The following CSMD1 variants were observed in gnomAD, a reference collection of about 807,000 sequenced individuals.
CSMD1 encodes CUB and Sushi multiple domains 1, also known as CUB and sushi domain-containing protein 1.
Under a neutral mutation model 417.5 loss-of-function variants are expected in CSMD1, and 213 were observed. That is an observed-to-expected ratio of 0.51 (90% CI 0.46 to 0.57). The LOEUF is 0.57. Among genes scored for constraint, CSMD1 ranks in the 20% least tolerant of loss-of-function variants. The pLI, the probability that CSMD1 is intolerant of heterozygous loss-of-function variation, is 0.00. For missense variants in CSMD1, 6,923 were observed against 4,529.7 expected, an observed-to-expected ratio of 1.53 and a Z score of -15.17; for synonymous variants, 2,862 against 1,736.8, an observed-to-expected ratio of 1.65 and a Z score of -16.11.
intron 9 of CSMD1, among the ~76,000 whole-genome samples, chr8:3,585,200 G>C (rs1054248792): frequency 9.2e-5 from 14 of 152,204 alleles, no homozygotes; most frequent in Admixed American, 8.5e-4. Context: ...GAGGACGATA[G>C]TGACGTGTTT....
At chr8:3,697,274 T>C (rs530767880) in intron 7 of CSMD1, among the ~76,000 whole-genome samples, 1 of 152,346 alleles carries the variant, frequency 6.6e-6, no homozygotes, top group Admixed American at 6.5e-5. Flanking sequence ...AGCACTCTAA[T>C]GAAAGGATTT....
chr8:3,772,035 G>A (rs1044888612), intron 5 of CSMD1, among the ~76,000 whole-genome samples: 3 of 151,812 alleles, frequency 2.0e-5, no homozygotes, highest in Admixed American at 6.6e-5. Flanking sequence ...CTAAAGAGGA[G>A]CTTCTAGTGC....
chr8:4,644,501 G>A (rs550548275), intron 1 of CSMD1, among the ~76,000 whole-genome samples: 1 of 152,226 alleles, frequency 6.6e-6, no homozygotes, highest in South Asian at 2.1e-4. Context: ...CCACCTCCCA[G>A]GTTCAAGTGA....
Position 3,493,476 on chromosome 8 carries a change from A to C in CSMD1, c.1448+147T>G, listed in dbSNP as rs1796222997. 5.1e-6 allele frequency: 3 copies of C among 592,994 alleles called. No homozygotes were observed. The Admixed American group carries it at 9.3e-5, about 18-fold the overall frequency. The allele number at this position is 592,994 out of a possible 1,614,324, so 36.7% of individuals were successfully genotyped here. A position where few individuals can be genotyped will look rare whatever the true frequency, so the allele number is the denominator to read the frequency against. On this transcript the variant is annotated intron_variant, in intron 11 of 69. Transcript: ENST00000635120. ...TACTCATAATGTGTTCTCATACAAA[A>C]TGAGATTGCAGGCCACTACATTAGC... is the stretch of plus-strand genomic sequence containing the variant.
intron 26 of CSMD1, among the ~76,000 whole-genome samples, chr8:3,238,511 C>T (rs964888783): frequency 6.6e-6 from 1 of 151,976 alleles, no homozygotes; most frequent in Non-Finnish European, 1.5e-5. Flanking sequence ...GGCGATGTTT[C>T]TCAGGGCTGC....
At chr8:3,310,715 T>C (rs778854438) in intron 23 of CSMD1, among the ~76,000 whole-genome samples, 3 of 151,388 alleles carry the variant, frequency 2.0e-5, no homozygotes, top group Admixed American at 1.3e-4. Flanking sequence ...GGGCCGCCCA[T>C]GCTAACAGGG....
intron 1 of CSMD1, among the ~76,000 whole-genome samples, chr8:4,861,374 G>C (rs1013106628): frequency 2.6e-5 from 4 of 152,092 alleles, no homozygotes; most frequent in African/African-American, 9.7e-5. Context: ...AGTTCCTTCT[G>C]AAGGCAGCTT....
intron 1 of CSMD1, among the ~76,000 whole-genome samples, chr8:4,669,760 G>T (rs866993256): frequency 2.6e-5 from 4 of 152,000 alleles, no homozygotes; most frequent in Non-Finnish European, 4.4e-5. Flanking sequence ...AGGGTCAGAG[G>T]TAGGGGGTAC....
At chr8:3,324,800 G>A (rs981441994) in intron 23 of CSMD1, among the ~76,000 whole-genome samples, 4 of 152,082 alleles carry the variant, frequency 2.6e-5, no homozygotes, top group Non-Finnish European at 2.9e-5. Flanking sequence ...TTCAATCTTG[G>A]CATTTACTAT....
intron 2 of CSMD1, among the ~76,000 whole-genome samples, chr8:4,564,313 T>C (rs1238556910): frequency 1.3e-5 from 2 of 152,180 alleles, no homozygotes; most frequent in African/African-American, 2.4e-5. Flanking sequence ...GCAGATAACA[T>C]TTTATATATT....
At chr8:4,051,152 G>A (rs978676863) in intron 3 of CSMD1, among the ~76,000 whole-genome samples, 3 of 152,092 alleles carry the variant, frequency 2.0e-5, no homozygotes, top group African/African-American at 4.8e-5. Context: ...AAGACCAGGA[G>A]TAGAAAGCAG....
At chr8:4,837,391 C>T (rs1462757914) in intron 1 of CSMD1, among the ~76,000 whole-genome samples, 3 of 152,094 alleles carry the variant, frequency 2.0e-5, no homozygotes, top group Admixed American at 6.5e-5. Flanking sequence ...TACATAGACA[C>T]CATGGAGTAC....
intron 22 of CSMD1, among the ~76,000 whole-genome samples, chr8:3,346,457 T>C (rs74987648): frequency 0.014 from 2,126 of 152,366 alleles, 23 homozygotes; most frequent in Non-Finnish European, 0.021. Flanking sequence ...TTAGTAAGAA[T>C]GTGCTAGTTT....
intron 3 of CSMD1, among the ~76,000 whole-genome samples, chr8:4,043,574 C>A (rs28477800): frequency 6.6e-6 from 1 of 151,966 alleles, no homozygotes; most frequent in East Asian, 1.9e-4. Flanking sequence ...GCTGTCTGGC[C>A]GCCTTGAGGG....
At chr8:3,403,807 G>T (rs1004581783) in intron 15 of CSMD1, among the ~76,000 whole-genome samples, 1 of 152,130 alleles carries the variant, frequency 6.6e-6, no homozygotes, top group Non-Finnish European at 1.5e-5. Flanking sequence ...AGCACCACAT[G>T]TGTATATATT....
At chr8:4,944,221 AC>A (rs1472014058) in intron 1 of CSMD1, among the ~76,000 whole-genome samples, 2 of 152,196 alleles carry the variant, frequency 1.3e-5, no homozygotes, top group African/African-American at 2.4e-5. Flanking sequence ...ATAATTAAAG[AC>A]CAAAAGATGA....
At chr8:3,208,418 C>G (rs1255378003) in intron 30 of CSMD1, among the ~76,000 whole-genome samples, 1 of 152,124 alleles carries the variant, frequency 6.6e-6, no homozygotes. Context: ...AGGTGCACAC[C>G]ACCACACACA....
At chr8:4,386,546 A>C (rs1267342068) in intron 3 of CSMD1, among the ~76,000 whole-genome samples, 1 of 152,242 alleles carries the variant, frequency 6.6e-6, no homozygotes, top group East Asian at 1.9e-4. Context: ...ACTTAAAGCA[A>C]GCCTAAAATA....
intron 3 of CSMD1, among the ~76,000 whole-genome samples, chr8:4,338,585 T>C (rs1800304045): frequency 6.6e-6 from 1 of 152,108 alleles, no homozygotes; most frequent in Admixed American, 6.6e-5. Flanking sequence ...ACCTCTGACA[T>C]ACTCATAATA....
Sources: allele counts gnomAD v4.1 joint callset (sites outside exome capture counted in the v4.1 genomes callset), GRCh38; gene constraint gnomAD v4.1.1; transcripts MANE v1.5; gene names NCBI Gene and HGNC (gene_info 2026-07-23, HGNC 2026-07-21).